The following MALRD1 variants were observed in gnomAD, a reference collection of about 807,000 sequenced individuals.
The protein encoded by MALRD1 is MAM and LDL-receptor class A domain-containing protein 1.
In MALRD1, 247 loss-of-function variants were observed where a neutral mutation model predicts 242.1. That is an observed-to-expected ratio of 1.02 (90% CI 0.92 to 1.13). The LOEUF (loss-of-function observed/expected upper bound fraction) is 1.13. Among genes scored for constraint, MALRD1 ranks in the 50% most tolerant of loss-of-function variants. The pLI is 0.00. For synonymous variants in MALRD1, 995 were observed against 866.6 expected, an observed-to-expected ratio of 1.15 and a Z score of -2.60; for missense variants, 2,989 against 2,533.1, an observed-to-expected ratio of 1.18 and a Z score of -3.86.
intron 32 of MALRD1, 102 bp from the exon 33 acceptor site, chr10:19,567,400 G>T: frequency 1.0e-6 from 1 of 962,644 alleles, no homozygotes; most frequent in South Asian, 1.6e-5. Context: ...AATGTATTGA[G>T]CTGTTACATA....
At chr10:19,286,778 C>G (rs1359595405) in intron 21 of MALRD1, among the ~76,000 whole-genome samples, 1 of 151,306 alleles carries the variant, frequency 6.6e-6, no homozygotes, top group Admixed American at 6.6e-5. Context: ...TGAAACTATT[C>G]CAATCAATAG....
At chr10:19,420,335 C>G (rs11498300) in intron 28 of MALRD1, among the ~76,000 whole-genome samples, 69,255 of 150,984 alleles carry the variant, frequency 0.46, 19,804 homozygotes, top group African/African-American at 0.82. Flanking sequence ...AATCGAAAAA[C>G]GTTGCTGTAT....
chr10:19,242,471 TG>T (rs1393414239), intron 18 of MALRD1, among the ~76,000 whole-genome samples: 2 of 152,186 alleles, frequency 1.3e-5, no homozygotes, highest in Non-Finnish European at 2.9e-5. Flanking sequence ...TGTCATTTTT[TG>T]GTTGATTTTC....
intron 38 of MALRD1, among the ~76,000 whole-genome samples, chr10:19,692,874 T>TAC (rs1554826211): frequency 6.5e-5 from 2 of 30,980 alleles, no homozygotes; most frequent in African/African-American, 1.3e-4. Context: ...AAATTATATA[T>TAC]ATATATATAT....
At position 19,372,525 on chromosome 10, in the gene MALRD1, G is replaced by C. The variant is rs1181175303; in HGVS notation, c.4442-15003G>C. On this transcript the variant is annotated intron_variant, in intron 26 of 39. Coordinates refer to ENST00000454679, the MANE Select transcript of MALRD1 (RefSeq NM_001142308.3). ...ACTCTGTCACCCAGGCTGGAGTGTA[G>C]TGGTGCAATCTCGGCTCACTGCAAC... Among the ~76,000 whole-genome samples the C allele has an allele frequency of 2.0e-5, 3 of 151,700 alleles. No individual in the cohort carries two copies. In the East Asian group the frequency reaches 5.8e-4, roughly 30 times the overall value.
At chr10:19,421,414 G>A (rs898351058) in intron 28 of MALRD1, among the ~76,000 whole-genome samples, 5 of 152,108 alleles carry the variant, frequency 3.3e-5, no homozygotes, top group African/African-American at 1.2e-4. Flanking sequence ...AAGTAACTGT[G>A]GGAAAAGATG....
intron 21 of MALRD1, among the ~76,000 whole-genome samples, chr10:19,319,957 C>T (rs753063201): frequency 2.7e-5 from 4 of 146,962 alleles, no homozygotes; most frequent in Non-Finnish European, 6.0e-5. Context: ...TAGACAAAAA[C>T]ATCTTAATTT....
At chr10:19,470,266 G>A (rs1445375986) in intron 29 of MALRD1, among the ~76,000 whole-genome samples, 3 of 151,922 alleles carry the variant, frequency 2.0e-5, no homozygotes, top group Admixed American at 1.3e-4. Flanking sequence ...TGTCCCAAAT[G>A]TCAGGATTCC....
At chr10:19,148,468 C>T (rs747432455) in intron 11 of MALRD1, among the ~76,000 whole-genome samples, 1 of 151,908 alleles carries the variant, frequency 6.6e-6, no homozygotes, top group Non-Finnish European at 1.5e-5. Context: ...TCTCCATAAA[C>T]ATTAATAGAT....
intron 33 of MALRD1, among the ~76,000 whole-genome samples, chr10:19,581,022 C>A (rs79422001): frequency 0.023 from 3,440 of 152,148 alleles, 54 homozygotes; most frequent in Middle Eastern, 0.068. Flanking sequence ...TTATTCTTTT[C>A]TCTTTCCCTA....
At chr10:19,436,107 C>T (rs1834341515) in intron 28 of MALRD1, among the ~76,000 whole-genome samples, 1 of 152,090 alleles carries the variant, frequency 6.6e-6, no homozygotes, top group South Asian at 2.1e-4. Flanking sequence ...TTCAGCCCTA[C>T]AAGATGTCCC....
intron 19 of MALRD1, among the ~76,000 whole-genome samples, chr10:19,267,371 A>G (rs1236760335): frequency 1.3e-5 from 2 of 152,104 alleles, no homozygotes; most frequent in African/African-American, 2.4e-5. Flanking sequence ...TATGATGACT[A>G]TTTTAAGGAT....
chr10:19,719,851 A>G (rs1188026976), intron 38 of MALRD1, among the ~76,000 whole-genome samples: 1 of 152,134 alleles, frequency 6.6e-6, no homozygotes, highest in Admixed American at 6.5e-5. Flanking sequence ...TTTAAAAAAA[A>G]AAAATCATCT....
chr10:19,171,423 TA>T (rs370975796), intron 13 of MALRD1, among the ~76,000 whole-genome samples: 42,346 of 89,650 alleles, frequency 0.47, 8,859 homozygotes, highest in Admixed American at 0.56. Context: ...TTTTATATTT[TA>T]TATACATATA....
chr10:19,219,229 G>T (rs1837458389), intron 18 of MALRD1, among the ~76,000 whole-genome samples: 1 of 151,956 alleles, frequency 6.6e-6, no homozygotes, highest in Non-Finnish European at 1.5e-5. Context: ...TAATTTTGGA[G>T]GATCACAATA....
chr10:19,588,543 A>T (rs1181528568), intron 33 of MALRD1, among the ~76,000 whole-genome samples: 5 of 152,244 alleles, frequency 3.3e-5, no homozygotes, highest in Admixed American at 2.6e-4. Flanking sequence ...CTGACAAAGC[A>T]CAAGTATAGC....
chr10:19,478,309 C>G (rs1831227486), intron 29 of MALRD1, among the ~76,000 whole-genome samples: 6 of 152,150 alleles, frequency 3.9e-5, no homozygotes, highest in Admixed American at 3.3e-4. Context: ...GAACCTGCTT[C>G]CTTTTGCCAT....
At chr10:19,347,493 C>T (rs1844184334) in intron 24 of MALRD1, among the ~76,000 whole-genome samples, 1 of 151,988 alleles carries the variant, frequency 6.6e-6, no homozygotes, top group Non-Finnish European at 1.5e-5. Context: ...TTATATTGAC[C>T]AAATAGGTAT....
At chr10:19,590,754 T>A (rs73595852) in intron 33 of MALRD1, among the ~76,000 whole-genome samples, 1 of 152,084 alleles carries the variant, frequency 6.6e-6, no homozygotes, top group Non-Finnish European at 1.5e-5. Flanking sequence ...TCTACAGCAG[T>A]TTTAGGTTCA....
Sources: allele counts gnomAD v4.1 joint callset (sites outside exome capture counted in the v4.1 genomes callset), GRCh38; gene constraint gnomAD v4.1.1; transcripts MANE v1.5; gene names NCBI Gene and HGNC (gene_info 2026-07-23, HGNC 2026-07-21).